The following NDUFAF2 variants were observed in gnomAD, a reference collection of about 807,000 sequenced individuals.
NDUFAF2 encodes the protein NADH:ubiquinone oxidoreductase complex assembly factor 2.
NDUFAF2 carries 13 observed loss-of-function variants against 22.8 expected under a neutral mutation model. That is an observed-to-expected ratio of 0.57 (90% CI 0.37 to 0.91). NDUFAF2 has a LOEUF of 0.91. NDUFAF2 is among the 40% of genes least tolerant of loss of function. The pLI is 0.01. For synonymous variants in NDUFAF2, 53 were observed against 64.2 expected (o/e 0.83, Z 0.84); for missense variants, 162 against 195.2 (o/e 0.83, Z 1.01).
intron 1 of NDUFAF2, among the ~76,000 whole-genome samples, chr5:60,947,024 G>A (rs1466516402): frequency 6.6e-6 from 1 of 152,192 alleles, no homozygotes; most frequent in Non-Finnish European, 1.5e-5. Flanking sequence ...CTGTTCACAA[G>A]CTGAAGGACA....
At chr5:61,080,347 A>AAG (rs1752426874) in intron 2 of NDUFAF2, among the ~76,000 whole-genome samples, 1 of 152,218 alleles carries the variant, frequency 6.6e-6, no homozygotes, top group Non-Finnish European at 1.5e-5. Context: ...ATTTGATTTT[A>AAG]TAAAAAACTG....
chr5:61,061,080 GA>G (rs1752159495), intron 1 of NDUFAF2, among the ~76,000 whole-genome samples: 1 of 152,064 alleles, frequency 6.6e-6, no homozygotes, highest in South Asian at 2.1e-4. Flanking sequence ...CAGGGTCACT[GA>G]AACCCTAGGA....
chr5:61,149,631 A>C lies in NDUFAF2; in HGVS notation c.259-3073A>C, dbSNP rs1211022573. 2.0e-5 allele frequency among the ~76,000 whole-genome samples: 3 copies of C among 152,326 alleles called. No homozygotes were observed. In the East Asian group the frequency reaches 5.8e-4, roughly 29 times the overall value. ...AAAAATATTTATTGGCAACAAGATA[A>C]ATAAGTAAAATGATGAATATTTGTT... On this transcript the variant is annotated intron_variant, in intron 3 of 3. Transcript: ENST00000296597.
intron 3 of NDUFAF2, among the ~76,000 whole-genome samples, chr5:61,100,683 A>G (rs1437293221): frequency 3.3e-5 from 5 of 152,098 alleles, no homozygotes; most frequent in Non-Finnish European, 7.4e-5. Flanking sequence ...CTCAACTGAA[A>G]TCCGTCTGTG....
chr5:61,026,304 A>T (rs959662087), intron 1 of NDUFAF2, among the ~76,000 whole-genome samples: 1 of 152,078 alleles, frequency 6.6e-6, no homozygotes, highest in African/African-American at 2.4e-5. Context: ...TCAGCATTAT[A>T]GTCACAAATT....
At chr5:61,143,945 T>A (rs1178575057) in intron 3 of NDUFAF2, among the ~76,000 whole-genome samples, 2 of 145,424 alleles carry the variant, frequency 1.4e-5, no homozygotes, top group Non-Finnish European at 3.0e-5. Context: ...ACATTAAAGA[T>A]GAAATGGCAT....
intron 1 of NDUFAF2, among the ~76,000 whole-genome samples, chr5:61,056,796 T>G (rs568050181): frequency 2.8e-5 from 4 of 144,238 alleles, no homozygotes; most frequent in South Asian, 2.2e-4. Flanking sequence ...GGCTGAGGCA[T>G]GAGAATCGCT....
At chr5:61,008,975 A>C (rs747147510) in intron 1 of NDUFAF2, among the ~76,000 whole-genome samples, 6 of 151,804 alleles carry the variant, frequency 4.0e-5, no homozygotes, top group Non-Finnish European at 7.4e-5. Context: ...TGAGGTTCTT[A>C]ATTCCTGCCG....
At chr5:61,067,303 TC>T (rs915859051) in intron 1 of NDUFAF2, among the ~76,000 whole-genome samples, 1 of 127,640 alleles carries the variant, frequency 7.8e-6, no homozygotes, top group African/African-American at 2.9e-5. Flanking sequence ...ATGCTATCCC[TC>T]CCCCCTCCCC....
intron 1 of NDUFAF2, among the ~76,000 whole-genome samples, chr5:61,042,330 T>C (rs1430026628): frequency 6.6e-6 from 1 of 152,104 alleles, no homozygotes; most frequent in African/African-American, 2.4e-5. Context: ...TATGTATTAA[T>C]ATGAAAAAAT....
chr5:60,963,219 T>C (rs889268573), intron 1 of NDUFAF2, among the ~76,000 whole-genome samples: 1 of 152,166 alleles, frequency 6.6e-6, no homozygotes, highest in South Asian at 2.1e-4. Flanking sequence ...GAGATTCTAA[T>C]ATTGAGTAGA....
intron 3 of NDUFAF2, among the ~76,000 whole-genome samples, chr5:61,116,948 C>A (rs896414990): frequency 6.6e-6 from 1 of 152,030 alleles, no homozygotes; most frequent in Non-Finnish European, 1.5e-5. Flanking sequence ...AAACAAAATT[C>A]ATTTATTTGC....
At chr5:60,984,789 G>A (rs1019901107) in intron 1 of NDUFAF2, among the ~76,000 whole-genome samples, 26 of 152,236 alleles carry the variant, frequency 1.7e-4, no homozygotes, top group East Asian at 9.7e-4. Flanking sequence ...TGCTGGATTC[G>A]GTTTGCCAGT....
chr5:61,073,042 G>T, intron 1 of NDUFAF2, 83 bp from the exon 2 acceptor site: 2 of 840,676 alleles, frequency 2.4e-6, no homozygotes, highest in Non-Finnish European at 2.1e-6. Context: ...TATATAAGGG[G>T]TTATGCAATA....
intron 3 of NDUFAF2, among the ~76,000 whole-genome samples, chr5:61,150,663 G>A (rs1253728868): frequency 6.6e-6 from 1 of 152,180 alleles, no homozygotes; most frequent in Non-Finnish European, 1.5e-5. Context: ...TGACATGACT[G>A]ATCTATTATA....
intron 1 of NDUFAF2, among the ~76,000 whole-genome samples, chr5:60,995,686 C>T (rs143831421): frequency 4.6e-5 from 7 of 152,324 alleles, no homozygotes; most frequent in African/African-American, 1.7e-4. Flanking sequence ...TCCCTGGCTA[C>T]ACTACTGCCT....
chr5:61,085,401 T>C (rs1752493656), intron 2 of NDUFAF2, among the ~76,000 whole-genome samples: 1 of 152,040 alleles, frequency 6.6e-6, no homozygotes, highest in Non-Finnish European at 1.5e-5. Flanking sequence ...CTCAACCTGA[T>C]AAAGGGCATT....
intron 1 of NDUFAF2, among the ~76,000 whole-genome samples, chr5:61,051,644 TA>T (rs894475063): frequency 1.2e-4 from 18 of 152,102 alleles, no homozygotes; most frequent in South Asian, 4.2e-4. Flanking sequence ...TTTGCTGTAT[TA>T]AAAAAAATGC....
At chr5:61,122,987 A>G (rs1752994584) in intron 3 of NDUFAF2, among the ~76,000 whole-genome samples, 1 of 152,188 alleles carries the variant, frequency 6.6e-6, no homozygotes, top group Non-Finnish European at 1.5e-5. Context: ...TCAAGGGGAT[A>G]GAAGCTAATG....
Sources: gnomAD v4.1 joint callset for allele counts (sites outside exome capture counted in the v4.1 genomes callset) on GRCh38, gnomAD v4.1.1 for gene constraint, MANE v1.5 for transcripts, NCBI Gene and HGNC (gene_info 2026-07-23, HGNC 2026-07-21) for gene names.